JPH4: variants seen among roughly 807,000 people sequenced by gnomAD.
JPH4 encodes junctophilin-4.
A neutral mutation model predicts 57.6 loss-of-function variants in JPH4; 18 were observed. That is an observed-to-expected ratio of 0.31 (90% confidence interval 0.22 to 0.46). The LOEUF (loss-of-function observed/expected upper bound fraction) is 0.46, where lower values mean the gene tolerates loss of function less well. Among genes scored for constraint, JPH4 ranks in the 20% least tolerant of loss-of-function variants. JPH4 has a pLI of 1.00. For missense variants in JPH4, 727 were observed against 911.1 expected, an observed-to-expected ratio of 0.80 and a Z score of 2.60; for synonymous variants, 425 against 406.6, an observed-to-expected ratio of 1.05 and a Z score of -0.54.
At chr14:23,570,434 C>G (rs1365242166) in intron 5 of JPH4, among the ~76,000 whole-genome samples, 2 of 144,768 alleles carry the variant, frequency 1.4e-5, no homozygotes, top group Admixed American at 7.1e-5. Flanking sequence ...TGCAGTGGCG[C>G]GATCTCAGCT....
Position 23,576,499 on chromosome 14 carries a change from G to T in JPH4, c.380-43C>A. 1.5e-6 allele frequency: 2 copies of T among 1,353,348 alleles called. No homozygotes were observed. The highest frequency in any genetic ancestry group is 1.9e-6 in the Non-Finnish European group (2 of 1,055,416). 83.8% of individuals were successfully genotyped at this position (1,353,348 alleles called of 1,614,324 possible). A position where few individuals can be genotyped will look rare whatever the true frequency, so the allele number is the denominator to read the frequency against. The stretch of plus-strand genomic sequence containing the variant: ...GTGGGAGAAAGAGTCAGGACGTGCC[G>T]CTGGGCTCCTTGCGCCCCAAGTCCC... On this transcript the variant is annotated intron_variant, in intron 2 of 5. Coordinates refer to ENST00000356300, the MANE Select transcript of JPH4 (RefSeq NM_001146028.2). This position sits in a 1 kb window ranked among gnomAD's most constrained non-coding sequence, Gnocchi z 8.0.
At chr14:23,573,229 A>T (rs1889196288) in intron 3 of JPH4, among the ~76,000 whole-genome samples, 1 of 152,162 alleles carries the variant, frequency 6.6e-6, no homozygotes, top group African/African-American at 2.4e-5. Context: ...CCTTCTCCTC[A>T]AACCTGGTGG....
At position 23,571,925 on chromosome 14, in the gene JPH4, C is replaced by T. The variant is rs757174971; in HGVS notation, c.1152-5G>A. ...TTTAGGAGGGCGTCTGCTGCCCTGT[C>T]GGGTCCAGAGACAGGGATTTAGCAG... On this transcript the variant is annotated splice_region_variant and splice_polypyrimidine_tract_variant and intron_variant, in intron 3 of 5. Coordinates refer to ENST00000356300, the MANE Select transcript of JPH4 (RefSeq NM_001146028.2). This position sits in a 1 kb window ranked among gnomAD's most constrained non-coding sequence, Gnocchi z 4.6. 17 of 1,610,302 alleles carry T rather than the reference C, an allele frequency of 1.1e-5. 1 individual carries two copies. Among genetic ancestry groups the T allele is most frequent in the South Asian group, 7.7e-5 (7 of 91,064 alleles).
chr14:23,571,428 C>G lies in JPH4; in HGVS notation c.1303G>C (p.Asp435His). 2 of 1,599,422 alleles carry G rather than the reference C, an allele frequency of 1.3e-6. No homozygotes were observed. The highest frequency in any genetic ancestry group is 1.7e-6 in the Non-Finnish European group (2 of 1,179,754). The change falls in exon 5 of 6, where the codon GAC becomes CAC. Residue 435 changes from aspartate (D) to histidine (H), a missense_variant. Transcript: ENST00000356300. The surrounding 1 kb of genome is among the most constrained non-coding windows in gnomAD (Gnocchi z 4.6). ...RRPRQDSEGS[D>H]TEPLDEDSPG... ...CTGTCCTCATCCAGGGGCTCCGTGT[C>G]GGAACCTTCTGAGTCCTGCCTGGGT...
chr14:23,574,636 C>T (rs1467917309), intron 3 of JPH4, among the ~76,000 whole-genome samples: 1 of 152,194 alleles, frequency 6.6e-6, no homozygotes, highest in African/African-American at 2.4e-5. Context: ...CGCAGGGAGC[C>T]TCGCTTGCTG....
rs1010437040 is a variant in JPH4, at chr14:23,569,847, C to A, written c.1804-130G>T. On this transcript the variant is annotated intron_variant, in intron 5 of 5. Coordinates refer to ENST00000356300, the MANE Select transcript of JPH4 (RefSeq NM_001146028.2). The surrounding 1 kb of genome is among the most constrained non-coding windows in gnomAD (Gnocchi z 4.8). ...CAGCCTGGAGCAGGGGGATCGCCAA[C>A]ATTTGTTTTGGATTGCAAAACCCCC... is the stretch of plus-strand genomic sequence containing the variant. 9 of 626,576 alleles carry A rather than the reference C, an allele frequency of 1.4e-5. No homozygotes were observed. The highest frequency in any genetic ancestry group is 2.3e-5 in the Non-Finnish European group (8 of 355,168). The allele number at this position is 626,576 out of a possible 1,614,324, so 38.8% of individuals were successfully genotyped here.
rs552173271 is a variant in JPH4 at position 23,568,572 on chromosome 14, T to A, written c.*1062A>T. 1 of 985,814 alleles carries A rather than the reference T, an allele frequency of 1.0e-6. No homozygotes were observed. The highest frequency in any genetic ancestry group is 5.2e-4 in the Middle Eastern group (1 of 1,916). 61.1% of individuals were successfully genotyped at this position (985,814 alleles called of 1,614,324 possible). A position where few individuals can be genotyped will look rare whatever the true frequency, so the allele number is the denominator to read the frequency against. ...TTCTGATGTAAAGGGGGAAGGGATA[T>A]AACCCATTTTGGGACTACTAAACTT... On this transcript the variant is annotated 3_prime_UTR_variant, in exon 6 of 6. Coordinates refer to ENST00000356300, the MANE Select transcript of JPH4 (RefSeq NM_001146028.2).
Position 23,574,633 on chromosome 14 carries a change from A to T in JPH4, c.1151+1052T>A, listed in dbSNP as rs373602768. Among the ~76,000 whole-genome samples the T allele has an allele frequency of 4.7e-3, 723 of 152,350 alleles. 7 individuals are homozygous for T. The highest frequency in any genetic ancestry group is 0.016 in the African/African-American group (681 of 41,576). ...TTGCTGCTCACCTCGCTGCGCAGGG[A>T]GCCTCGCTTGCTGCCCAGGGAGCTG... On this transcript the variant is annotated intron_variant, in intron 3 of 5. Coordinates refer to ENST00000356300, the MANE Select transcript of JPH4 (RefSeq NM_001146028.2).
chr14:23,576,587 G>A lies in JPH4; in HGVS notation c.380-131C>T. ...TGGAGGCAGTTAGTGTGGAGGTCGG[G>A]GAAGGGCACTGGGAGCCGGGAACAG... On this transcript the variant is annotated intron_variant, in intron 2 of 5. Transcript: ENST00000356300. The surrounding 1 kb of genome is among the most constrained non-coding windows in gnomAD (Gnocchi z 8.0). 1.3e-6 allele frequency: 1 copy of A among 762,186 alleles called. No homozygotes were observed. Among genetic ancestry groups the A allele is most frequent in the Non-Finnish European group, 1.8e-6 (1 of 546,150 alleles). 47.2% of individuals were successfully genotyped at this position (762,186 alleles called of 1,614,324 possible). A position where few individuals can be genotyped will look rare whatever the true frequency, so the allele number is the denominator to read the frequency against.
chr14:23,569,487 G>GA lies in JPH4; in HGVS notation c.*146dup, dbSNP rs905637465. The GA allele has an allele frequency of 1.6e-5, 11 of 673,002 alleles. No individual in the cohort carries two copies. Among genetic ancestry groups the GA allele is most frequent in the African/African-American group, 3.7e-5 (2 of 54,312 alleles). The allele number at this position is 673,002 out of a possible 1,614,324, so 41.7% of individuals were successfully genotyped here. A position where few individuals can be genotyped will look rare whatever the true frequency, so the allele number is the denominator to read the frequency against. On this transcript the variant is annotated 3_prime_UTR_variant, in exon 6 of 6. Transcript: ENST00000356300. The surrounding 1 kb of genome is among the most constrained non-coding windows in gnomAD (Gnocchi z 4.8). The stretch of plus-strand genomic sequence containing the variant: ...GAAGACAGGGAAAGAAAAAGCGAGA[G>GA]AAAAAAACAAAGGAGCACAGAAAAG...
chr14:23,572,841 C>T (rs1283632251), intron 3 of JPH4: 1 of 702,398 alleles, frequency 1.4e-6, no homozygotes, highest in Admixed American at 2.0e-5. Context: ...ACCTTCCCTG[C>T]TCCTTAGGTG....
chr14:23,576,417 C>A lies in JPH4; in HGVS notation c.419G>T (p.Gly140Val). 7.0e-7 allele frequency: 1 copy of A among 1,435,304 alleles called. No homozygotes were observed. Among genetic ancestry groups the A allele is most frequent in the Non-Finnish European group, 9.1e-7 (1 of 1,101,998 alleles). The allele number at this position is 1,435,304 out of a possible 1,614,324, so 88.9% of individuals were successfully genotyped here. ...GGGCACACTCTGGCGTACCCCGTAG[C>A]CGTGGCGCTTCCCGGCCTGCCACTG... ...QGQWQAGKRH[G>V]YGVRQSVPYH... Residue 140 changes from glycine to valine, a missense_variant, in exon 3 of 6, where the codon GGC (glycine) becomes GTC (valine). This residue lies in a region of JPH4 where 90 missense variants were observed against 88.1 expected (regional missense o/e 1.02). Transcript: ENST00000356300. The surrounding 1 kb of genome is among the most constrained non-coding windows in gnomAD (Gnocchi z 8.0).
chr14:23,575,823 A>G lies in JPH4; in HGVS notation c.1013T>C (p.Val338Ala). ...GAGACTGCGGACGCGCCCGCCGTGC[A>G]CCAGCCGGTTGCGCTTGTACTTGCC... The part of the protein sequence containing the change: ...EEGKYKRNRL[V>A]HGGRVRSLLP... The change falls in exon 3 of 6, where the codon GTG becomes GCG. Residue 338 changes from valine to alanine, a missense_variant. Around this residue, in one of 7 missense-constraint regions of JPH4, gnomAD observed 112 missense variants for 199.4 expected, o/e 0.56. Coordinates refer to ENST00000356300, the MANE Select transcript of JPH4 (RefSeq NM_001146028.2). This position sits in a 1 kb window ranked among gnomAD's most constrained non-coding sequence, Gnocchi z 6.9. 1 of 1,583,602 alleles carries G rather than the reference A, an allele frequency of 6.3e-7. No individual in the cohort carries two copies. The highest frequency in any genetic ancestry group is 8.6e-7 in the Non-Finnish European group (1 of 1,167,416).
At position 23,571,005 on chromosome 14, in the gene JPH4, A is replaced by G. The variant is rs1889122689; in HGVS notation, c.1726T>C (p.Ser576Pro). The G allele has an allele frequency of 2.6e-6, 4 of 1,562,296 alleles. No homozygotes were observed. The highest frequency in any genetic ancestry group is 2.6e-6 in the Non-Finnish European group (3 of 1,152,928). Residue 576 changes from serine to proline, a missense_variant, in exon 5 of 6, where the codon TCC (serine) becomes CCC (proline). By Grantham distance (74) the Ser-to-Pro change is moderately conservative. Coordinates refer to ENST00000356300, the MANE Select transcript of JPH4 (RefSeq NM_001146028.2). This position sits in a 1 kb window ranked among gnomAD's most constrained non-coding sequence, Gnocchi z 4.6. ...PIAMLVLRGSSSRGPDAGCLT... is the reference protein window; with the variant it reads ...PIAMLVLRGSPSRGPDAGCLT... ...CACCCAGCATCAGGACCCCTCGAGG[A>G]CGAGCCCCTCAGGACCAGCATGGCG... is the stretch of plus-strand genomic sequence containing the variant.
At position 23,571,309 on chromosome 14, in the gene JPH4, AG is replaced by A; in HGVS notation, c.1421del (p.Pro474LeufsTer36). On this transcript the variant is annotated frameshift_variant, in exon 5 of 6. Coordinates refer to ENST00000356300, the MANE Select transcript of JPH4 (RefSeq NM_001146028.2). LOFTEE classifies it high-confidence loss of function. This position sits in a 1 kb window ranked among gnomAD's most constrained non-coding sequence, Gnocchi z 4.6. ...PASSRQPWRP[P>X]ACRSPLPPGG... The stretch of plus-strand genomic sequence containing the variant: ...CAGGAGGCAGTGGGCTCCGGCAGGC[AG>A]GGGGTCGCCAGGGTTGGCGGGAGGA... 3 of 1,596,726 alleles carry A rather than the reference AG, an allele frequency of 1.9e-6. No homozygotes were observed. Among genetic ancestry groups the A allele is most frequent in the Admixed American group, 1.7e-5 (1 of 58,556 alleles).
In JPH4 at chr14:23,571,895, C is replaced by T. The variant is rs1306241310; in HGVS notation, c.1177G>A (p.Val393Met). Residue 393 changes from valine (V) to methionine (M), a missense_variant, in exon 4 of 6, where the codon GTG (valine) becomes ATG (methionine). Around this residue, in one of 7 missense-constraint regions of JPH4, gnomAD observed 293 missense variants for 279.8 expected, o/e 1.05. Coordinates refer to ENST00000356300, the MANE Select transcript of JPH4 (RefSeq NM_001146028.2). The surrounding 1 kb of genome is among the most constrained non-coding windows in gnomAD (Gnocchi z 4.6). ...TTCTCAGCGACACTGCTGGCTGCCACTGCCTTTAGGAGGGCGTCTGCTGCC... is the reference window on the plus strand; with the variant it reads ...TTCTCAGCGACACTGCTGGCTGCCATTGCCTTTAGGAGGGCGTCTGCTGCC... Reference protein sequence around the residue: ...ARAADALLKAVAASSVAEKAV... With the variant: ...ARAADALLKAMAASSVAEKAV... 2 of 1,612,746 alleles carry T rather than the reference C, an allele frequency of 1.2e-6. No individual in the cohort carries two copies. Among genetic ancestry groups the T allele is most frequent in the East Asian group, 2.2e-5 (1 of 44,876 alleles).
chr14:23,573,019 G>C (rs1218305830), intron 3 of JPH4: 17 of 696,098 alleles, frequency 2.4e-5, no homozygotes, highest in Admixed American at 2.4e-4. Context: ...GGGCACAAAA[G>C]AGCTGAGGAA....
Position 23,578,438 on chromosome 14 carries a change from G to C in JPH4, c.-430C>G, listed in dbSNP as rs893555613. 2 of 151,474 alleles carry C rather than the reference G, an allele frequency of 1.3e-5. No individual in the cohort carries two copies. Among genetic ancestry groups the C allele is most frequent in the African/African-American group, 4.9e-5 (2 of 41,122 alleles). The allele number at this position is 151,474 out of a possible 1,614,324, so 9.4% of individuals were successfully genotyped here. A position where few individuals can be genotyped will look rare whatever the true frequency, so the allele number is the denominator to read the frequency against. On this transcript the variant is annotated 5_prime_UTR_variant, in exon 1 of 6. Coordinates refer to ENST00000356300, the MANE Select transcript of JPH4 (RefSeq NM_001146028.2). Reference sequence around the variant, plus strand: ...AAAAAATCTGCCTTGGATGGAGATAGGGAAGAAGAGCTGGGAGCTGGATGC... The same window carrying C: ...AAAAAATCTGCCTTGGATGGAGATACGGAAGAAGAGCTGGGAGCTGGATGC...
In JPH4 at chr14:23,571,135, G is replaced by A. The variant is rs770555278; in HGVS notation, c.1596C>T (p.Leu532=). Residue 532 remains leucine (L), a synonymous_variant, in exon 5 of 6, where the codon CTC becomes CTT. Transcript: ENST00000356300. The surrounding 1 kb of genome is among the most constrained non-coding windows in gnomAD (Gnocchi z 4.6). ...TTCCTGAACTGTCGCTGCAGCCTCC[G>A]AGGAGTGGGGAACCGTCTCTGGGCC... ...GPGPRDGSPL[L]GGCSDSSGSL... 4.3e-6 allele frequency: 7 copies of A among 1,613,988 alleles called. No individual in the cohort carries two copies. Among genetic ancestry groups the A allele is most frequent in the African/African-American group, 1.3e-5 (1 of 74,916 alleles).
Sources: gnomAD v4.1 joint callset for allele counts (sites outside exome capture counted in the v4.1 genomes callset) on GRCh38, gnomAD v4.1.1 for gene constraint, gnomAD v4.1.1 regional missense constraint, Gnocchi (gnomAD v3.1) non-coding constraint, MANE v1.5 for transcripts, NCBI Gene and HGNC (gene_info 2026-07-23, HGNC 2026-07-21) for gene names.